Variants in RCOR1 observed in about 807,000 individuals in gnomAD.
RCOR1 encodes the protein REST corepressor 1.
RCOR1 carries 12 observed loss-of-function variants against 64.0 expected under a neutral mutation model. That is an observed-to-expected ratio of 0.19 (90% CI 0.12 to 0.30). The LOEUF is 0.30. RCOR1 is among the 10% of genes least tolerant of loss of function. RCOR1 has a pLI of 1.00. For synonymous variants in RCOR1, 279 were observed against 227.2 expected, an observed-to-expected ratio of 1.23 and a Z score of -2.05; for missense variants, 502 against 621.2, an observed-to-expected ratio of 0.81 and a Z score of 2.04.
chr14:102,592,837 C>T lies in RCOR1; in HGVS notation c.-50C>T, dbSNP rs1338659362. 5.3e-5 allele frequency: 62 copies of T among 1,177,088 alleles called. No individual in the cohort carries two copies. Among genetic ancestry groups the T allele is most frequent in the South Asian group, 1.6e-4 (4 of 24,278 alleles). 72.9% of individuals were successfully genotyped at this position (1,177,088 alleles called of 1,614,324 possible). A position where few individuals can be genotyped will look rare whatever the true frequency, so the allele number is the denominator to read the frequency against. ...CCCTCCCCCGTCTCGGCGCCCCCTC[C>T]TCAGGAGCCGCGGGTCCCCGCCACT... On this transcript the variant is annotated 5_prime_UTR_variant, in exon 1 of 12. Transcript: ENST00000262241.
intron 4 of RCOR1, among the ~76,000 whole-genome samples, chr14:102,705,871 A>G (rs185753900): frequency 7.0e-4 from 107 of 152,142 alleles, no homozygotes; most frequent in African/African-American, 2.3e-3. Context: ...GCTCACACCT[A>G]TAATCCCAGC....
At chr14:102,643,270 C>A (rs1349495644) in intron 2 of RCOR1, 7 of 857,952 alleles carry the variant, frequency 8.2e-6, no homozygotes, top group Admixed American at 6.2e-5. Flanking sequence ...GGCGACAGAG[C>A]GAGACTCCGT....
intron 2 of RCOR1, among the ~76,000 whole-genome samples, chr14:102,672,723 C>T (rs1037064900): frequency 6.6e-6 from 1 of 152,308 alleles, no homozygotes; most frequent in East Asian, 1.9e-4. Flanking sequence ...TTCACACCTG[C>T]TGGCTAGAAT....
chr14:102,714,038 A>G (rs1896013336), intron 7 of RCOR1, among the ~76,000 whole-genome samples: 1 of 152,248 alleles, frequency 6.6e-6, no homozygotes, highest in Non-Finnish European at 1.5e-5. Flanking sequence ...TTATCCAAAA[A>G]TGTGTATAAA....
chr14:102,606,185 G>A (rs12883734), intron 2 of RCOR1, among the ~76,000 whole-genome samples: 2,511 of 152,092 alleles, frequency 0.017, 34 homozygotes, highest in Non-Finnish European at 0.025. Flanking sequence ...TTCGGCCTCC[G>A]AAAGTGCTGG....
At chr14:102,664,953 C>A (rs1317691407) in intron 2 of RCOR1, among the ~76,000 whole-genome samples, 20 of 152,130 alleles carry the variant, frequency 1.3e-4, no homozygotes, top group Admixed American at 1.2e-3. Flanking sequence ...GAATTTTGAT[C>A]TTTTCCTCGG....
chr14:102,726,188 G>A (rs1299659998), intron 11 of RCOR1, among the ~76,000 whole-genome samples: 2 of 151,994 alleles, frequency 1.3e-5, no homozygotes, highest in South Asian at 2.1e-4. Context: ...TTAGCTGGGC[G>A]TGGAGGCAGG....
chr14:102,642,188 C>T (rs892681568), intron 2 of RCOR1, among the ~76,000 whole-genome samples: 11 of 151,968 alleles, frequency 7.2e-5, no homozygotes, highest in African/African-American at 2.7e-4. Context: ...CAGTTTCTTA[C>T]TCTAATTGAA....
chr14:102,651,631 A>G lies in RCOR1; in HGVS notation c.362-30264A>G, dbSNP rs1005621895. 1.4e-4 allele frequency among the ~76,000 whole-genome samples: 22 copies of G among 152,274 alleles called. No individual in the cohort carries two copies. The East Asian group carries it at 4.2e-3, about 29-fold the overall frequency. ...GAAGAAGTGAACTGATTTATTTTAT[A>G]TTTATGTATCTTATTTTTTGGCTTG... On this transcript the variant is annotated intron_variant, in intron 2 of 11. Transcript: ENST00000262241.
intron 10 of RCOR1, 167 bp downstream of exon 10, chr14:102,721,544 C>G (rs1037854479): frequency 1.7e-5 from 7 of 421,252 alleles, no homozygotes; most frequent in Non-Finnish European, 3.0e-5. Flanking sequence ...GAGGGAGACC[C>G]TGACTTTAAA....
intron 2 of RCOR1, among the ~76,000 whole-genome samples, chr14:102,596,628 G>A (rs980394202): frequency 2.9e-4 from 42 of 144,222 alleles, no homozygotes; most frequent in East Asian, 1.0e-3. Context: ...GCAGTGGCAC[G>A]ATCTTGGCTC....
chr14:102,640,283 A>G (rs1302626270), intron 2 of RCOR1, among the ~76,000 whole-genome samples: 5 of 152,172 alleles, frequency 3.3e-5, no homozygotes, highest in African/African-American at 4.8e-5. Context: ...CATGTTTTTA[A>G]TTAATTGAAT....
intron 3 of RCOR1, among the ~76,000 whole-genome samples, chr14:102,692,753 C>T (rs200497538): frequency 1.5e-5 from 2 of 133,176 alleles, no homozygotes; most frequent in Non-Finnish European, 3.1e-5. Flanking sequence ...TCCTTCCTTC[C>T]TTCTTTTTCT....
chr14:102,715,681 G>A (rs1468877501), intron 8 of RCOR1, among the ~76,000 whole-genome samples: 1 of 152,044 alleles, frequency 6.6e-6, no homozygotes, highest in Non-Finnish European at 1.5e-5. Flanking sequence ...TACCACACTC[G>A]GCCCTGTTCT....
In RCOR1 at chr14:102,729,914, A is replaced by G. The variant is rs764990965; in HGVS notation, c.*3408A>G. On this transcript the variant is annotated 3_prime_UTR_variant, in exon 12 of 12. Transcript: ENST00000262241. ...CGAATGATCCAGGATTCAAGCTTCT[A>G]TTGTCAAGTGAAACTTTCCTCAGAT... is the stretch of plus-strand genomic sequence containing the variant. The G allele has an allele frequency of 2.0e-5, 8 of 398,884 alleles. No individual in the cohort carries two copies. The highest frequency in any genetic ancestry group is 1.1e-4 in the East Asian group (3 of 28,086). The allele number at this position is 398,884 out of a possible 1,614,324, so 24.7% of individuals were successfully genotyped here.
At chr14:102,632,067 C>G (rs560056000) in intron 2 of RCOR1, among the ~76,000 whole-genome samples, 7 of 151,052 alleles carry the variant, frequency 4.6e-5, no homozygotes, top group Non-Finnish European at 7.4e-5. Context: ...GCCTTGGCCT[C>G]CCAAAGTGCT....
chr14:102,685,370 A>G (rs1006814478), intron 3 of RCOR1, among the ~76,000 whole-genome samples: 3 of 151,924 alleles, frequency 2.0e-5, no homozygotes, highest in Admixed American at 2.0e-4. Context: ...AAACAAAATT[A>G]CCTGTATTAC....
intron 2 of RCOR1, among the ~76,000 whole-genome samples, chr14:102,651,617 C>G (rs1481262604): frequency 6.6e-6 from 1 of 151,538 alleles, no homozygotes; most frequent in Non-Finnish European, 1.5e-5. Flanking sequence ...AAGAAGTGAA[C>G]TGATTTATTT....
In RCOR1 at chr14:102,592,816, C is replaced by A; in HGVS notation, c.-71C>A. The A allele has an allele frequency of 3.4e-6, 4 of 1,175,486 alleles. No individual in the cohort carries two copies. The highest frequency in any genetic ancestry group is 4.2e-6 in the Non-Finnish European group (4 of 951,696). The allele number at this position is 1,175,486 out of a possible 1,614,324, so 72.8% of individuals were successfully genotyped here. Reference sequence around the variant, plus strand: ...GCCCCGCGCCGGCCCCGCGCCCCCTCCCCCGTCTCGGCGCCCCCTCCTCAG... The same window carrying A: ...GCCCCGCGCCGGCCCCGCGCCCCCTACCCCGTCTCGGCGCCCCCTCCTCAG... On this transcript the variant is annotated 5_prime_UTR_variant, in exon 1 of 12. Transcript: ENST00000262241.
Sources: gnomAD v4.1 joint callset for allele counts (sites outside exome capture counted in the v4.1 genomes callset) on GRCh38, gnomAD v4.1.1 for gene constraint, MANE v1.5 for transcripts, NCBI Gene and HGNC (gene_info 2026-07-23, HGNC 2026-07-21) for gene names.